P2RX5: variants seen among roughly 807,000 people sequenced by gnomAD.
The protein encoded by P2RX5 is P2X purinoceptor 5.
A neutral mutation model predicts 54.1 loss-of-function variants in P2RX5; 46 were observed. That is an observed-to-expected ratio of 0.85 (90% CI 0.67 to 1.09). P2RX5 has a LOEUF of 1.09. Among genes scored for constraint, P2RX5 ranks in the 50% least tolerant of loss-of-function variants. The probability of loss-of-function intolerance (pLI) is 0.00; values close to 1 mark genes in which losing one functional copy is unlikely to be tolerated. For missense variants in P2RX5, 566 were observed against 549.8 expected, an observed-to-expected ratio of 1.03 and a Z score of -0.29; for synonymous variants, 226 against 226.4, an observed-to-expected ratio of 1.00 and a Z score of 0.02.
At chr17:3,692,295 C>T (rs1015531816) in intron 1 of P2RX5, among the ~76,000 whole-genome samples, 3 of 151,768 alleles carry the variant, frequency 2.0e-5, no homozygotes, top group African/African-American at 4.8e-5. Flanking sequence ...CCAGCCTGGG[C>T]GACAGAGTGA....
At chr17:3,689,321 C>T (rs544429116) in intron 7 of P2RX5, among the ~76,000 whole-genome samples, 171 bp downstream of exon 7, 55 of 150,848 alleles carry the variant, frequency 3.6e-4, no homozygotes, top group Non-Finnish European at 3.3e-4. Flanking sequence ...CCCGCTGCCA[C>T]GGCCTGCCTG....
intron 5 of P2RX5, 81 bp downstream of exon 5, chr17:3,690,346 G>T: frequency 1.6e-6 from 2 of 1,222,678 alleles, no homozygotes; most frequent in Non-Finnish European, 2.4e-6. Flanking sequence ...CTCCCAGAGT[G>T]GGCAGGACTC....
the P2RX5 span, among the ~76,000 whole-genome samples, chr17:3,712,042 T>C: frequency 6.6e-6 from 1 of 152,060 alleles, no homozygotes; most frequent in African/African-American, 2.4e-5. Flanking sequence ...GGAAGTGGGG[T>C]CTTATTTGCA....
chr17:3,689,308 T>C (rs2050535399), intron 7 of P2RX5, among the ~76,000 whole-genome samples, 184 bp downstream of exon 7: 1 of 141,544 alleles, frequency 7.1e-6, no homozygotes, highest in Admixed American at 6.9e-5. Context: ...AGGGCCACCC[T>C]CGCCCGCTGC....
At chr17:3,677,152 G>C in intron 11 of P2RX5, 8 of 985,444 alleles carry the variant, frequency 8.1e-6, no homozygotes, top group Non-Finnish European at 9.6e-6. Flanking sequence ...CGTGGCATAA[G>C]ACAGGTGGGG....
chr17:3,679,040 C>T (rs1334425294), intron 11 of P2RX5, among the ~76,000 whole-genome samples: 3 of 152,202 alleles, frequency 2.0e-5, no homozygotes. Context: ...GCCCCAGAAT[C>T]GCACACAGAA....
intron 1 of P2RX5, among the ~76,000 whole-genome samples, chr17:3,693,889 C>T (rs995774993): frequency 1.3e-5 from 2 of 150,934 alleles, no homozygotes; most frequent in African/African-American, 2.4e-5. Flanking sequence ...TGCACTGGTG[C>T]GAGTAGCTGA....
chr17:3,674,498 A>T (rs913595987), intron 11 of P2RX5, among the ~76,000 whole-genome samples: 5 of 152,200 alleles, frequency 3.3e-5, no homozygotes, highest in Non-Finnish European at 7.4e-5. Flanking sequence ...TCTTCTGAGC[A>T]CGGGGCCCCT....
At chr17:3,719,252 A>AAAAAAAAAAG in the P2RX5 span, among the ~76,000 whole-genome samples, 1 of 130,304 alleles carries the variant, frequency 7.7e-6, no homozygotes, top group Non-Finnish European at 1.6e-5. Flanking sequence ...AAAAAAAAAA[A>AAAAAAAAAAG]AAAAGAAAAG....
In P2RX5 at chr17:3,674,181, A is replaced by G. The variant is rs1174034446; in HGVS notation, c.1260-304T>C. On this transcript the variant is annotated intron_variant, in intron 11 of 11. Coordinates refer to ENST00000225328, the MANE Select transcript of P2RX5 (RefSeq NM_002561.4). ...TACAAAAAATTAGCCGGGCGAGGCG[A>G]GCGCCTGTAGTCCCAGCTACTCGGG... 2.0e-5 allele frequency among the ~76,000 whole-genome samples: 3 copies of G among 152,258 alleles called. No individual in the cohort carries two copies. In the East Asian group the frequency reaches 5.8e-4, roughly 29 times the overall value.
the P2RX5 span, among the ~76,000 whole-genome samples, chr17:3,714,372 C>T: frequency 9.3e-4 from 141 of 152,160 alleles, no homozygotes; most frequent in Middle Eastern, 0.02. Flanking sequence ...GGACTACAGG[C>T]ACCCGCCACC....
chr17:3,690,557 CTCCCACTCCGAG>C (rs1460171151), intron 4 of P2RX5, 34 bp from the exon 5 acceptor site: 2 of 1,611,276 alleles, frequency 1.2e-6, no homozygotes, highest in African/African-American at 2.7e-5. Flanking sequence ...TGCCAGGAGC[CTCCCACTCCGAG>C]TCCTCCTTCA....
intron 9 of P2RX5, chr17:3,685,687 G>A (rs375958990): frequency 1.1e-4 from 2 of 18,516 alleles, no homozygotes; most frequent in Non-Finnish European, 4.2e-4. Flanking sequence ...AACGCACAGC[G>A]GGGCCCCCAG....
chr17:3,681,028 TGCGTCCTCCACCCA>T (rs1314826630), intron 10 of P2RX5, among the ~76,000 whole-genome samples: 1,656 of 145,312 alleles, frequency 0.011, 45 homozygotes, highest in African/African-American at 0.041. Flanking sequence ...TCCTCCACCC[TGCGTCCTCCACCCA>T]GCGTCCTCCA....
chr17:3,697,504 G>T (rs578223128), upstream of P2RX5, among the ~76,000 whole-genome samples: 2 of 152,278 alleles, frequency 1.3e-5, no homozygotes, highest in South Asian at 4.1e-4. Flanking sequence ...ACACAAAGAG[G>T]CTCCCTTCCC....
chr17:3,703,614 G>C, the P2RX5 span, among the ~76,000 whole-genome samples: 2 of 152,134 alleles, frequency 1.3e-5, no homozygotes, highest in African/African-American at 2.4e-5. Context: ...GTTGCCAACA[G>C]CATCACTGTT....
At chr17:3,711,633 C>T in the P2RX5 span, among the ~76,000 whole-genome samples, 18 of 152,154 alleles carry the variant, frequency 1.2e-4, no homozygotes, top group East Asian at 1.4e-3. Flanking sequence ...CTGCCCACGT[C>T]GGCGCCTCCC....
At position 3,679,573 on chromosome 17, in the gene P2RX5, C is replaced by A. The variant is rs1276593325; in HGVS notation, c.1259+17G>T. On this transcript the variant is annotated intron_variant, in intron 11 of 11. Transcript: ENST00000225328. The stretch of plus-strand genomic sequence containing the variant: ...CAGGACCCAGCTGTCGGGCTCTCTG[C>A]CTAGCAGTGGCCTCACCTGTGGGGC... 3.7e-6 allele frequency: 6 copies of A among 1,604,192 alleles called. No homozygotes were observed. In the African/African-American group the frequency reaches 8.0e-5, roughly 21 times the overall value.
upstream of P2RX5, among the ~76,000 whole-genome samples, chr17:3,699,951 AAAGAAAGAAAG>A (rs1290756379): frequency 1.5e-5 from 2 of 136,576 alleles, no homozygotes; most frequent in African/African-American, 2.5e-5. Context: ...AGAAAGAAAG[AAAGAAAGAAAG>A]AAAGAAAGAA....
Sources: allele counts gnomAD v4.1 joint callset (sites outside exome capture counted in the v4.1 genomes callset), GRCh38; gene constraint gnomAD v4.1.1; transcripts MANE v1.5; gene names NCBI Gene and HGNC (gene_info 2026-07-23, HGNC 2026-07-21).